The following MERTK variants were observed in gnomAD, a reference collection of about 807,000 sequenced individuals.
MERTK encodes MER proto-oncogene, tyrosine kinase, also known as tyrosine-protein kinase Mer.
MERTK carries 69 observed loss-of-function variants against 99.3 expected under a neutral mutation model. That is an observed-to-expected ratio of 0.70 (90% CI 0.57 to 0.85). The LOEUF (loss-of-function observed/expected upper bound fraction) is 0.85. Among genes scored for constraint, MERTK ranks in the 40% least tolerant of loss-of-function variants. The probability of loss-of-function intolerance (pLI) is 0.00; values close to 1 mark genes in which losing one functional copy is unlikely to be tolerated. For missense variants in MERTK, 1,125 were observed against 1,249.4 expected (o/e 0.90, Z 1.50); for synonymous variants, 426 against 467.6 (o/e 0.91, Z 1.15).
In MERTK at chr2:112,028,540, A is replaced by T. The variant is rs1230011861; in HGVS notation, c.2676A>T (p.Pro892=). The change falls in exon 19 of 19, where the codon CCA becomes CCT. Residue 892 remains proline, a synonymous_variant. Coordinates refer to ENST00000295408, the MANE Select transcript of MERTK (RefSeq NM_006343.3). ...EGLAQGSTLA[P]LDLNIDPDSI... ...TGGCCCAGGGCTCCACCCTTGCTCC[A>T]CTGGACTTGAACATCGACCCTGACT... 6.2e-7 allele frequency: 1 copy of T among 1,614,134 alleles called. No individual in the cohort carries two copies. Among genetic ancestry groups the T allele is most frequent in the Admixed American group, 1.7e-5 (1 of 60,022 alleles).
chr2:111,951,981 T>C (rs930557403), intron 4 of MERTK, among the ~76,000 whole-genome samples: 1 of 152,168 alleles, frequency 6.6e-6, no homozygotes, highest in African/African-American at 2.4e-5. Context: ...TTTCTCAAAA[T>C]TAGAAGTGTG....
rs148977925 is a variant in MERTK at position 112,023,004 on chromosome 2, G to A, written c.2486+610G>A. On this transcript the variant is annotated intron_variant, in intron 18 of 18. Transcript: ENST00000295408. ...TTTAGAATGCTCCCTGGGGCTGGGCGCAGTGGCTCATGCACGTTATCCCAA... is the reference window on the plus strand; with the variant it reads ...TTTAGAATGCTCCCTGGGGCTGGGCACAGTGGCTCATGCACGTTATCCCAA... 6.1e-3 allele frequency among the ~76,000 whole-genome samples: 922 copies of A among 152,240 alleles called. 7 individuals carry two copies. The highest frequency in any genetic ancestry group is 0.024 in the Middle Eastern group (7 of 294).
intron 2 of MERTK, chr2:111,940,659 AT>A (rs1684847366): frequency 1.4e-6 from 1 of 703,690 alleles, no homozygotes; most frequent in Non-Finnish European, 2.7e-6. Context: ...AATCAGGATT[AT>A]TTACGTCCAA....
At chr2:111,981,831 A>G (rs1435627067) in intron 7 of MERTK, among the ~76,000 whole-genome samples, 2 of 152,150 alleles carry the variant, frequency 1.3e-5, no homozygotes, top group African/African-American at 4.8e-5. Flanking sequence ...GGACTTTAAA[A>G]TGGTGGCTGC....
At chr2:111,956,227 T>A (rs772801883) in intron 4 of MERTK, among the ~76,000 whole-genome samples, 10 of 152,176 alleles carry the variant, frequency 6.6e-5, no homozygotes, top group Non-Finnish European at 1.5e-4. Flanking sequence ...AAAATAGGGA[T>A]AATAGCAGTG....
chr2:112,017,544 C>T (rs1029967157), intron 15 of MERTK, among the ~76,000 whole-genome samples: 2 of 151,842 alleles, frequency 1.3e-5, no homozygotes, highest in South Asian at 2.1e-4. Flanking sequence ...GCAGGAGAAT[C>T]GCTTGAACCT....
intron 2 of MERTK, among the ~76,000 whole-genome samples, chr2:111,936,417 TA>T (rs35198067): frequency 0.52 from 79,514 of 151,988 alleles, 20,970 homozygotes; most frequent in Middle Eastern, 0.56. Context: ...AAAAATTTTT[TA>T]ATTTTTGTAA....
rs142721656 is a variant in MERTK, at chr2:112,021,441, G to C, written c.2209G>C (p.Val737Leu). The C allele has an allele frequency of 2.7e-5, 43 of 1,613,562 alleles. No homozygotes were observed. In the East Asian group the frequency reaches 8.7e-4, roughly 33 times the overall value. ...RNCMLRDDMT[V>L]CVADFGLSKK... ...CTGTAGGTTGCGAGATGACATGACTGTCTGTGTTGCGGACTTCGGCCTCTC... is the reference window on the plus strand; with the variant it reads ...CTGTAGGTTGCGAGATGACATGACTCTCTGTGTTGCGGACTTCGGCCTCTC... The change falls in exon 17 of 19, where the codon GTC (valine) becomes CTC (leucine). Residue 737 changes from valine (V) to leucine (L), a missense_variant. Coordinates refer to ENST00000295408, the MANE Select transcript of MERTK (RefSeq NM_006343.3).
chr2:111,902,806 C>CT (rs1684069804), intron 1 of MERTK, among the ~76,000 whole-genome samples: 1 of 63,040 alleles, frequency 1.6e-5, no homozygotes, highest in Non-Finnish European at 3.3e-5. Context: ...CCCTCCCTCC[C>CT]TCTATTTCTT....
intron 8 of MERTK, among the ~76,000 whole-genome samples, chr2:111,991,819 C>A (rs1274116527): frequency 6.6e-6 from 1 of 152,092 alleles, no homozygotes; most frequent in Non-Finnish European, 1.5e-5. Flanking sequence ...ACTCCCATAG[C>A]CCTTGTTGTT....
intron 13 of MERTK, among the ~76,000 whole-genome samples, chr2:112,004,366 G>T (rs1349974348): frequency 6.6e-6 from 1 of 152,062 alleles, no homozygotes; most frequent in East Asian, 1.9e-4. Flanking sequence ...GGTTGTTCTG[G>T]CCGGCCTGTC....
In MERTK at chr2:111,975,305, C is replaced by A; in HGVS notation, c.977C>A (p.Pro326Gln). ...TTCGTTTAGGTCAAGGAAGCTGATC[C>A]GCTGAGTAATGGCTCAGTCATGATT... ...NCSIQVKEAD[P>Q]LSNGSVMIFN... is the part of the protein sequence containing the mutation. The change falls in exon 7 of 19, where the codon CCG becomes CAG. Residue 326 changes from proline (P) to glutamine (Q), a missense_variant. By Grantham distance (76) the Pro-to-Gln change is moderately conservative (BLOSUM62 -1). Transcript: ENST00000295408. The A allele has an allele frequency of 2.5e-6, 4 of 1,614,182 alleles. No individual in the cohort carries two copies. Among genetic ancestry groups the A allele is most frequent in the Non-Finnish European group, 3.4e-6 (4 of 1,180,024 alleles).
At chr2:111,962,159 A>G (rs762024322) in intron 4 of MERTK, among the ~76,000 whole-genome samples, 2 of 152,228 alleles carry the variant, frequency 1.3e-5, no homozygotes, top group African/African-American at 2.4e-5. Flanking sequence ...CCACAGATAT[A>G]GAAGTTTCCA....
At chr2:111,926,082 T>C (rs6734384) in intron 1 of MERTK, among the ~76,000 whole-genome samples, 79,459 of 151,254 alleles carry the variant, frequency 0.53, 20,955 homozygotes, top group South Asian at 0.56. Flanking sequence ...CCGCCTGCCT[T>C]GGCCTCCCAA....
At chr2:111,981,047 T>A (rs1186392642) in intron 7 of MERTK, among the ~76,000 whole-genome samples, 3 of 152,232 alleles carry the variant, frequency 2.0e-5, no homozygotes, top group African/African-American at 7.2e-5. Context: ...TTTGAAAGTG[T>A]GCGACTGATT....
chr2:112,008,199 C>T (rs1349980274), intron 13 of MERTK, among the ~76,000 whole-genome samples, 184 bp from the exon 14 acceptor site: 1 of 151,994 alleles, frequency 6.6e-6, no homozygotes, highest in African/African-American at 2.4e-5. Flanking sequence ...CTGTGCTTTG[C>T]CTGTTTGCCC....
At chr2:111,919,534 A>G (rs887060015) in intron 1 of MERTK, among the ~76,000 whole-genome samples, 2 of 152,024 alleles carry the variant, frequency 1.3e-5, no homozygotes, top group African/African-American at 2.4e-5. Context: ...CAGATTCTGG[A>G]AGGCTCTTTT....
chr2:111,919,498 G>A (rs1684414611), intron 1 of MERTK, among the ~76,000 whole-genome samples: 1 of 152,120 alleles, frequency 6.6e-6, no homozygotes, highest in African/African-American at 2.4e-5. Flanking sequence ...TGGGAGAGTT[G>A]GAAGAAGATA....
At chr2:112,014,524 C>CA in intron 15 of MERTK, among the ~76,000 whole-genome samples, 1 of 136,638 alleles carries the variant, frequency 7.3e-6, no homozygotes, top group Non-Finnish European at 1.6e-5. Context: ...TGTTATTGTA[C>CA]AAGAGTGCAT....
Sources: gnomAD v4.1 joint callset for allele counts (sites outside exome capture counted in the v4.1 genomes callset) on GRCh38, gnomAD v4.1.1 for gene constraint, MANE v1.5 for transcripts, NCBI Gene and HGNC (gene_info 2026-07-23, HGNC 2026-07-21) for gene names.